Variants in XNDC1N observed in about 807,000 individuals in gnomAD.
XNDC1N encodes protein XNDC1N.
At chr11:71,871,015 A>C in the XNDC1N span, among the ~76,000 whole-genome samples, 2 of 152,328 alleles carry the variant, frequency 1.3e-5, no homozygotes, top group East Asian at 3.9e-4. Context: ...TGACCTAGCA[A>C]TCTCACATCT....
At chr11:71,919,089 T>C in the XNDC1N span, 2 of 691,214 alleles carry the variant, frequency 2.9e-6, no homozygotes, top group Non-Finnish European at 5.3e-6. Flanking sequence ...AGGATGCCCA[T>C]GAATGAGGGA....
At chr11:71,928,592 T>C in the XNDC1N span, 1 of 702,486 alleles carries the variant, frequency 1.4e-6, no homozygotes, top group Non-Finnish European at 2.6e-6. Flanking sequence ...TACATTTCCG[T>C]GTGTTTTAAT....
At chr11:71,900,057 G>A in the XNDC1N span, among the ~76,000 whole-genome samples, 1 of 152,276 alleles carries the variant, frequency 6.6e-6, no homozygotes, top group African/African-American at 2.4e-5. Context: ...TCTGGCTGAT[G>A]TGCATGTCCA....
chr11:71,902,093 A>T, the XNDC1N span, among the ~76,000 whole-genome samples: 1 of 152,120 alleles, frequency 6.6e-6, no homozygotes, highest in Non-Finnish European at 1.5e-5. Context: ...GGCACATAGG[A>T]GACAGCAAAC....
the XNDC1N span, among the ~76,000 whole-genome samples, chr11:71,879,938 G>C: frequency 6.6e-6 from 1 of 151,918 alleles, no homozygotes; most frequent in Non-Finnish European, 1.5e-5. Flanking sequence ...TTCATTCAGT[G>C]GTCATCAGTA....
the XNDC1N span, among the ~76,000 whole-genome samples, chr11:71,901,905 G>T: frequency 6.6e-6 from 1 of 152,068 alleles, no homozygotes; most frequent in Admixed American, 6.5e-5. Flanking sequence ...TATTCCTTAA[G>T]ATTTTCAGCT....
At chr11:71,928,281 G>A in the XNDC1N span, 1 of 594,232 alleles carries the variant, frequency 1.7e-6, no homozygotes, top group South Asian at 2.0e-5. Flanking sequence ...ATCGGGAACA[G>A]GCTGCTCAGT....
At chr11:71,917,249 G>T in the XNDC1N span, 2 of 664,416 alleles carry the variant, frequency 3.0e-6, no homozygotes, top group Non-Finnish European at 5.5e-6. Context: ...CCTGACCTCA[G>T]ATGATCCACT....
At chr11:71,875,124 T>A in the XNDC1N span, among the ~76,000 whole-genome samples, 3 of 152,174 alleles carry the variant, frequency 2.0e-5, no homozygotes, top group Non-Finnish European at 4.4e-5. Context: ...AATGAAAGGA[T>A]GATTACATAA....
chr11:71,889,099 T>C, the XNDC1N span, among the ~76,000 whole-genome samples: 23 of 152,204 alleles, frequency 1.5e-4, no homozygotes, highest in African/African-American at 5.3e-4. Flanking sequence ...CACTTCAGCC[T>C]AGAAAGCTGA....
the XNDC1N span, among the ~76,000 whole-genome samples, chr11:71,898,041 G>C: frequency 6.6e-6 from 1 of 152,042 alleles, no homozygotes. Context: ...AAAATGAAAC[G>C]AGCGTGGTGG....
At chr11:71,928,590 C>T in the XNDC1N span, 9 of 702,310 alleles carry the variant, frequency 1.3e-5, no homozygotes, top group African/African-American at 1.6e-4. Context: ...AATACATTTC[C>T]GTGTGTTTTA....
chr11:71,880,365 C>A, the XNDC1N span, among the ~76,000 whole-genome samples: 1 of 151,998 alleles, frequency 6.6e-6, no homozygotes, highest in East Asian at 1.9e-4. Flanking sequence ...GTTGTAATGT[C>A]TCCTGTTTTA....
At chr11:71,903,932 T>A in the XNDC1N span, 1 of 462,508 alleles carries the variant, frequency 2.2e-6, no homozygotes, top group Non-Finnish European at 4.4e-6. Context: ...CACCTGTCAG[T>A]TGTTTGCTGA....
the XNDC1N span, chr11:71,903,121 G>C: frequency 1.6e-6 from 1 of 638,094 alleles, no homozygotes; most frequent in South Asian, 1.6e-5. Context: ...CACAATGCTG[G>C]GTATTGGTTT....
At chr11:71,896,575 T>C in the XNDC1N span, among the ~76,000 whole-genome samples, 4 of 152,254 alleles carry the variant, frequency 2.6e-5, no homozygotes, top group Non-Finnish European at 5.9e-5. Context: ...TTTTGTTTTT[T>C]GTTTTGAGAT....
chr11:71,872,116 C>T, the XNDC1N span, among the ~76,000 whole-genome samples: 21 of 152,222 alleles, frequency 1.4e-4, no homozygotes, highest in East Asian at 4.0e-3. Context: ...GATGATACAT[C>T]ATGGATGAAC....
At chr11:71,878,753 G>C in the XNDC1N span, among the ~76,000 whole-genome samples, 8 of 152,092 alleles carry the variant, frequency 5.3e-5, no homozygotes, top group Admixed American at 4.6e-4. Flanking sequence ...CCAGCATTTG[G>C]GGAGTTTGAG....
chr11:71,867,415 C>T, the XNDC1N span, among the ~76,000 whole-genome samples: 1 of 152,170 alleles, frequency 6.6e-6, no homozygotes, highest in Admixed American at 6.5e-5. Context: ...TTTGAGAAGG[C>T]AGGCCCATGC....
Sources: allele counts gnomAD v4.1 joint callset (sites outside exome capture counted in the v4.1 genomes callset), GRCh38; gene constraint gnomAD v4.1.1; transcripts MANE v1.5; gene names NCBI Gene and HGNC (gene_info 2026-07-23, HGNC 2026-07-21).